The following NCR1 variants were observed in gnomAD, a reference collection of about 807,000 sequenced individuals.
The protein encoded by NCR1 is natural cytotoxicity triggering receptor 1.
In NCR1, 30 loss-of-function variants were observed where a neutral mutation model predicts 32.5. The observed-to-expected ratio is 0.92, with a 90% CI of 0.69 to 1.25. NCR1 has a LOEUF of 1.25. NCR1 is among the 50% of genes most tolerant of loss of function. The pLI, the probability that NCR1 is intolerant of heterozygous loss-of-function variation, is 0.00. For synonymous variants in NCR1, 169 were observed against 143.4 expected (o/e 1.18, Z -1.28); for missense variants, 369 against 380.7 (o/e 0.97, Z 0.26).
chr19:54,918,976 C>G (rs552336902), downstream of NCR1, among the ~76,000 whole-genome samples: 1 of 133,930 alleles, frequency 7.5e-6, no homozygotes. Context: ...AAGAGCAAAA[C>G]TGTCTTAAAA....
At chr19:54,930,605 C>T in the NCR1 span, 7 of 1,612,204 alleles carry the variant, frequency 4.3e-6, no homozygotes, top group East Asian at 4.5e-5. Flanking sequence ...AGGCTGCAGG[C>T]TTCTTGGAGC....
At chr19:54,937,893 G>C in the NCR1 span, 3 of 658,516 alleles carry the variant, frequency 4.6e-6, no homozygotes, top group African/African-American at 5.4e-5. Flanking sequence ...GTAAATCTCC[G>C]TCTCACCAAA....
chr19:54,901,191 G>A (rs927006914), upstream of NCR1, among the ~76,000 whole-genome samples: 1 of 150,118 alleles, frequency 6.7e-6, no homozygotes, highest in Non-Finnish European at 1.5e-5. Context: ...TCAGGAGGCT[G>A]AGGCAGGAGA....
chr19:54,902,804 C>G (rs968013690), upstream of NCR1, among the ~76,000 whole-genome samples: 2 of 151,804 alleles, frequency 1.3e-5, no homozygotes, highest in Non-Finnish European at 2.9e-5. Context: ...TAAGGGGAAA[C>G]GCCAGCACCG....
At chr19:54,900,407 G>A in the NCR1 span, among the ~76,000 whole-genome samples, 1 of 152,150 alleles carries the variant, frequency 6.6e-6, no homozygotes, top group Non-Finnish European at 1.5e-5. Flanking sequence ...CTCAGTAGGG[G>A]AGCTTTTGAG....
At chr19:54,915,907 A>G (rs2146104671), downstream of NCR1, 1 of 152,056 alleles carries the variant, frequency 6.6e-6, no homozygotes, top group South Asian at 2.1e-4. Context: ...GGTTCAGTAA[A>G]AGCCAGGAAA....
downstream of NCR1, among the ~76,000 whole-genome samples, chr19:54,919,981 T>G (rs902762401): frequency 1.3e-5 from 2 of 152,042 alleles, no homozygotes; most frequent in Admixed American, 6.6e-5. Context: ...GATTATAGAG[T>G]GAGGATTATT....
chr19:54,906,285 C>T lies in NCR1; in HGVS notation c.35-14C>T. ...GCCTGGGAGGCAACAGGTCTCATTA[C>T]TCCCGTCTTCCAGGGCTGTGTCTGA... On this transcript the variant is annotated splice_polypyrimidine_tract_variant and intron_variant, in intron 1 of 6. Transcript: ENST00000291890. 6.2e-7 allele frequency: 1 copy of T among 1,614,162 alleles called. No homozygotes were observed. Among genetic ancestry groups the T allele is most frequent in the Non-Finnish European group, 8.5e-7 (1 of 1,180,044 alleles).
intron 5 of NCR1, 148 bp downstream of exon 5, chr19:54,910,213 A>C: frequency 1.3e-6 from 1 of 744,658 alleles, no homozygotes. Flanking sequence ...GAGATGGTGC[A>C]TCATTTGAGG....
the NCR1 span, among the ~76,000 whole-genome samples, chr19:54,936,852 T>C: frequency 1.3e-5 from 2 of 151,630 alleles, no homozygotes; most frequent in African/African-American, 4.8e-5. Context: ...GAGGCAGAGG[T>C]TGCAGTGAGC....
chr19:54,923,844 T>C, the NCR1 span: 1 of 1,614,100 alleles, frequency 6.2e-7, no homozygotes, highest in Non-Finnish European at 8.5e-7. Flanking sequence ...AGCTTCTTGA[T>C]TTCCAAATTA....
chr19:54,912,727 T>A lies in NCR1; in HGVS notation c.771T>A (p.Leu257=), dbSNP rs1266209863. 2 of 1,611,572 alleles carry A rather than the reference T, an allele frequency of 1.2e-6. No individual in the cohort carries two copies. Among genetic ancestry groups the A allele is most frequent in the Non-Finnish European group, 1.7e-6 (2 of 1,178,604 alleles). The change falls in exon 7 of 7, where the codon CTT becomes CTA. Residue 257 remains leucine (L), a synonymous_variant. Transcript: ENST00000291890. ...GGGATCACACTGCCCAGAATCTCCTTCGGATGGGCCTGGCCTTTCTAGTCC... is the reference window on the plus strand; with the variant it reads ...GGGATCACACTGCCCAGAATCTCCTACGGATGGGCCTGGCCTTTCTAGTCC... ...ALWDHTAQNL[L]RMGLAFLVLV...
chr19:54,903,693 GTA>G (rs926741165), upstream of NCR1, among the ~76,000 whole-genome samples: 59 of 147,940 alleles, frequency 4.0e-4, 1 homozygote, highest in African/African-American at 1.2e-3. Flanking sequence ...GTATATATGT[GTA>G]TATATATAAA....
chr19:54,920,569 G>GT (rs1325901379), downstream of NCR1, among the ~76,000 whole-genome samples: 2 of 152,162 alleles, frequency 1.3e-5, no homozygotes, highest in African/African-American at 4.8e-5. Flanking sequence ...GCTCACGCGT[G>GT]TAATCCCAGC....
the NCR1 span, chr19:54,927,682 C>T: frequency 6.2e-7 from 1 of 1,614,188 alleles, no homozygotes; most frequent in Non-Finnish European, 8.5e-7. Flanking sequence ...ACAAATGATT[C>T]TGGCCCAGGT....
chr19:54,906,733 G>T lies in NCR1; in HGVS notation c.281G>T (p.Gly94Val), dbSNP rs1386806761. ...CCGGACATGAACTCCCGCATGGCAG[G>T]GCAATACAGCTGCATCTATCGGGTT... ...YIPDMNSRMA[G>V]QYSCIYRVGE... Residue 94 changes from glycine to valine, a missense_variant, in exon 3 of 7, where the codon GGG (glycine) becomes GTG (valine). Transcript: ENST00000291890. The T allele has an allele frequency of 6.2e-7, 1 of 1,614,198 alleles. No individual in the cohort carries two copies. The highest frequency in any genetic ancestry group is 8.5e-7 in the Non-Finnish European group (1 of 1,180,042).
downstream of NCR1, among the ~76,000 whole-genome samples, chr19:54,919,624 G>A (rs1445285750): frequency 2.0e-5 from 3 of 151,790 alleles, no homozygotes; most frequent in Admixed American, 6.6e-5. Context: ...TTAGGCCTCC[G>A]GATAACTGCG....
chr19:54,899,533 G>C, the NCR1 span, among the ~76,000 whole-genome samples: 6 of 152,054 alleles, frequency 3.9e-5, no homozygotes, highest in East Asian at 1.2e-3. Context: ...AGGTCGGGGT[G>C]TGGAAATAAG....
chr19:54,927,803 G>C, the NCR1 span: 1 of 1,604,284 alleles, frequency 6.2e-7, no homozygotes, highest in South Asian at 1.1e-5. Context: ...GGAAATCCAC[G>C]CATTCACTGA....
Sources: allele counts gnomAD v4.1 joint callset (sites outside exome capture counted in the v4.1 genomes callset), GRCh38; gene constraint gnomAD v4.1.1; transcripts MANE v1.5; gene names NCBI Gene and HGNC (gene_info 2026-07-23, HGNC 2026-07-21).